Variants in CLMN observed in about 807,000 individuals in gnomAD.
The protein encoded by CLMN is calmin, also known as calmin (calponin-like, transmembrane).
In CLMN, 57 loss-of-function variants were observed where a neutral mutation model predicts 92.7. The ratio of observed to expected loss-of-function variants is 0.61; its 90% confidence interval spans 0.50 to 0.77. The LOEUF (loss-of-function observed/expected upper bound fraction) is 0.77. Among genes scored for constraint, CLMN ranks in the 30% least tolerant of loss-of-function variants. The probability of loss-of-function intolerance (pLI) is 0.00; values close to 1 mark genes in which losing one functional copy is unlikely to be tolerated. For synonymous variants in CLMN, 466 were observed against 470.6 expected (o/e 0.99, Z 0.13); for missense variants, 1,158 against 1,237.5 (o/e 0.94, Z 0.96).
chr14:95,244,644 A>G (rs1326783557), intron 1 of CLMN, among the ~76,000 whole-genome samples: 2 of 152,232 alleles, frequency 1.3e-5, no homozygotes, highest in Non-Finnish European at 2.9e-5. Context: ...TTTTGTTGAA[A>G]GACTACTATA....
At chr14:95,192,151 C>T (rs1896578329) in intron 12 of CLMN, 1 of 157,432 alleles carries the variant, frequency 6.4e-6, no homozygotes, top group Non-Finnish European at 1.4e-5. Context: ...ATACTGATCG[C>T]TTGCTGCTGT....
chr14:95,204,320 G>T lies in CLMN; in HGVS notation c.1029C>A (p.Ser343Arg), dbSNP rs1170207015. The part of the protein sequence containing the change: ...ERTYTVNHET[S>R]HPPPSKVFVC... ...CAAAGACTTTGGAGGGTGGTGGGTG[G>T]CTGGTTTCATGGTTAACAGTGTAGG... Residue 343 changes from serine (S) to arginine (R), a missense_variant, in exon 9 of 13, where the codon AGC becomes AGA. Coordinates refer to ENST00000298912, the MANE Select transcript of CLMN (RefSeq NM_024734.4). 4 of 1,614,116 alleles carry T rather than the reference G, an allele frequency of 2.5e-6. No individual in the cohort carries two copies. Among genetic ancestry groups the T allele is most frequent in the Admixed American group, 1.7e-5 (1 of 60,026 alleles).
intron 8 of CLMN, among the ~76,000 whole-genome samples, chr14:95,205,708 G>A (rs1022316552): frequency 2.4e-4 from 36 of 152,050 alleles, no homozygotes; most frequent in African/African-American, 8.2e-4. Flanking sequence ...ATACAAATAT[G>A]TAAAATATGC....
At chr14:95,311,166 G>T (rs1470427585) in intron 1 of CLMN, among the ~76,000 whole-genome samples, 1 of 152,112 alleles carries the variant, frequency 6.6e-6, no homozygotes, top group Admixed American at 6.5e-5. Flanking sequence ...CTATCTGAAG[G>T]TTCAGGTTCC....
chr14:95,198,394 C>T (rs1896784202), intron 9 of CLMN, among the ~76,000 whole-genome samples: 1 of 151,596 alleles, frequency 6.6e-6, no homozygotes, highest in African/African-American at 2.4e-5. Context: ...AGAAATGCCT[C>T]ATCCCATCTC....
rs17091868 is a variant in CLMN, at chr14:95,182,446, G to A, written c.*9118C>T. 14,931 of 152,236 alleles carry A rather than the reference G, an allele frequency of 0.098. 954 individuals are homozygous for A. The highest frequency in any genetic ancestry group is 0.34 in the East Asian group (1,782 of 5,176). The allele number at this position is 152,236 out of a possible 1,614,324, so 9.4% of individuals were successfully genotyped here. A position where few individuals can be genotyped will look rare whatever the true frequency, so the allele number is the denominator to read the frequency against. On this transcript the variant is annotated 3_prime_UTR_variant, in exon 13 of 13. Transcript: ENST00000298912. ...GTCCTGAGGATGTACAGTAGGGAAC[G>A]ACCATTTTTCCGTGTTCACAATTTG... is the stretch of plus-strand genomic sequence containing the variant.
At chr14:95,290,280 G>A (rs918018803) in intron 1 of CLMN, among the ~76,000 whole-genome samples, 3 of 152,164 alleles carry the variant, frequency 2.0e-5, no homozygotes, top group African/African-American at 4.8e-5. Context: ...ACACTTTGAC[G>A]CTCCCCCAAA....
rs1195368557 is a variant in CLMN, at chr14:95,210,710, T to C, written c.778A>G (p.Ile260Val). The change falls in exon 7 of 13, where the codon ATC becomes GTC. Residue 260 changes from isoleucine (I) to valine (V), a missense_variant. Transcript: ENST00000298912. ...AFSIAQDALH[I>V]PRLLEPEDIM... ...CCTTCTGGCTCCAGGAGCCTGGGGA[T>C]GTGCAGGGCATCCTGTGCGATGCTG... is the stretch of plus-strand genomic sequence containing the variant. 2.5e-6 allele frequency: 4 copies of C among 1,606,394 alleles called. No individual in the cohort carries two copies. Among genetic ancestry groups the C allele is most frequent in the Admixed American group, 1.7e-5 (1 of 58,604 alleles).
intron 1 of CLMN, among the ~76,000 whole-genome samples, chr14:95,230,611 G>C (rs1262132454): frequency 1.3e-5 from 2 of 152,120 alleles, no homozygotes; most frequent in Non-Finnish European, 2.9e-5. Context: ...AAAGGGATTG[G>C]ACAGCCCAAG....
At chr14:95,255,442 T>C (rs1053454811) in intron 1 of CLMN, among the ~76,000 whole-genome samples, 13 of 152,172 alleles carry the variant, frequency 8.5e-5, no homozygotes, top group Admixed American at 4.6e-4. Context: ...TCATTGTTGT[T>C]AATCTCTCAC....
At chr14:95,285,173 C>T (rs1275281298) in intron 1 of CLMN, among the ~76,000 whole-genome samples, 2 of 152,166 alleles carry the variant, frequency 1.3e-5, no homozygotes, top group Non-Finnish European at 2.9e-5. Flanking sequence ...GTGCCTTTCG[C>T]CTCTCACCAT....
intron 5 of CLMN, 75 bp downstream of exon 5, chr14:95,215,566 G>A: frequency 3.2e-6 from 4 of 1,264,744 alleles, no homozygotes; most frequent in Non-Finnish European, 4.6e-6. Flanking sequence ...CCCTTAATCT[G>A]GCCCCACTCT....
rs1896660694 is a variant in CLMN at position 95,194,914 on chromosome 14, G to T, written c.2709-318C>A. On this transcript the variant is annotated intron_variant, in intron 10 of 12. Transcript: ENST00000298912. This position sits in a 1 kb window ranked among gnomAD's most constrained non-coding sequence, Gnocchi z 4.0. Reference sequence around the variant, plus strand: ...GAGCAGGAAGTAACCCAAGCATCCTGATGTGCTGGGACTCACCAGAGGTTC... The same window carrying T: ...GAGCAGGAAGTAACCCAAGCATCCTTATGTGCTGGGACTCACCAGAGGTTC... Among the ~76,000 whole-genome samples, 3 of 152,224 alleles carry T rather than the reference G, an allele frequency of 2.0e-5. No homozygotes were observed. Among genetic ancestry groups the T allele is most frequent in the African/African-American group, 7.2e-5 (3 of 41,460 alleles).
At chr14:95,209,362 T>G (rs778144319) in intron 8 of CLMN, 33 bp downstream of exon 8, 14 of 1,592,462 alleles carry the variant, frequency 8.8e-6, no homozygotes, top group African/African-American at 4.0e-5. Flanking sequence ...AAATGTATGG[T>G]GTCGGAATTA....
intron 1 of CLMN, among the ~76,000 whole-genome samples, chr14:95,248,874 A>T (rs1282581835): frequency 6.6e-6 from 1 of 152,210 alleles, no homozygotes; most frequent in African/African-American, 2.4e-5. Flanking sequence ...TATATTTGAT[A>T]AAAGTTTTAT....
At chr14:95,291,338 C>T (rs971548012) in intron 1 of CLMN, among the ~76,000 whole-genome samples, 6 of 152,146 alleles carry the variant, frequency 3.9e-5, no homozygotes, top group African/African-American at 4.8e-5. Context: ...AGATTTATCC[C>T]GCCCACATGG....
chr14:95,279,369 T>A (rs10136296), intron 1 of CLMN, among the ~76,000 whole-genome samples: 1 of 152,150 alleles, frequency 6.6e-6, no homozygotes. Flanking sequence ...TTTGGAGACA[T>A]TAGATTCTAG....
chr14:95,241,705 C>T (rs1283242414), intron 1 of CLMN, among the ~76,000 whole-genome samples: 5 of 152,236 alleles, frequency 3.3e-5, no homozygotes, highest in Non-Finnish European at 5.9e-5. Flanking sequence ...GGAGACTGAG[C>T]TATGACAATG....
At chr14:95,292,654 G>C (rs1217913719) in intron 1 of CLMN, among the ~76,000 whole-genome samples, 1 of 152,080 alleles carries the variant, frequency 6.6e-6, no homozygotes, top group African/African-American at 2.4e-5. Flanking sequence ...CACCTGCTCT[G>C]CAGATTCCCA....
Sources: allele counts gnomAD v4.1 joint callset (sites outside exome capture counted in the v4.1 genomes callset), GRCh38; gene constraint gnomAD v4.1.1; non-coding constraint Gnocchi (gnomAD v3.1); transcripts MANE v1.5; gene names NCBI Gene and HGNC (gene_info 2026-07-23, HGNC 2026-07-21).